PSMA7: variants seen among roughly 807,000 people sequenced by gnomAD.
The protein encoded by PSMA7 is proteasome 20S subunit alpha 7, also known as proteasome subunit alpha type-7.
PSMA7 carries 5 observed loss-of-function variants against 31.3 expected under a neutral mutation model. The ratio of observed to expected loss-of-function variants is 0.16; its 90% CI spans 0.08 to 0.34. The LOEUF (loss-of-function observed/expected upper bound fraction) is 0.34. Among genes scored for constraint, PSMA7 ranks in the 10% least tolerant of loss-of-function variants. The pLI, the probability that PSMA7 is intolerant of heterozygous loss-of-function variation, is 1.00. For missense variants in PSMA7, 217 were observed against 327.5 expected, an observed-to-expected ratio of 0.66 and a Z score of 2.60; for synonymous variants, 155 against 121.9, an observed-to-expected ratio of 1.27 and a Z score of -1.79.
At chr20:62,139,047 G>T (rs199697521) in intron 4 of PSMA7, 28 bp downstream of exon 4, 1 of 1,611,244 alleles carries the variant, frequency 6.2e-7, no homozygotes, top group Non-Finnish European at 8.5e-7. Context: ...TGGCAAGACT[G>T]TCCAAAGCCC....
At chr20:62,142,191 A>C (rs921857113) in intron 1 of PSMA7, among the ~76,000 whole-genome samples, 13 of 152,032 alleles carry the variant, frequency 8.6e-5, no homozygotes, top group African/African-American at 3.1e-4. Context: ...GACTCACTTG[A>C]CCTTCGACTG....
chr20:62,139,022 C>T, intron 4 of PSMA7, 53 bp downstream of exon 4: 4 of 1,599,394 alleles, frequency 2.5e-6, no homozygotes, highest in Non-Finnish European at 2.6e-6. Context: ...CCTCCCACCC[C>T]TCAAAGCCTT....
intron 6 of PSMA7, 21 bp from the exon 7 acceptor site, chr20:62,136,970 G>A (rs780295013): frequency 6.3e-7 from 1 of 1,595,312 alleles, no homozygotes; most frequent in South Asian, 1.2e-5. Flanking sequence ...AAACTTCATG[G>A]TTACCTAAGC....
intron 1 of PSMA7, among the ~76,000 whole-genome samples, chr20:62,141,341 G>T (rs1048217429): frequency 6.6e-6 from 1 of 152,290 alleles, no homozygotes; most frequent in East Asian, 1.9e-4. Context: ...CCTGGGTCCT[G>T]GGGGGTACGT....
rs1449150403 is a variant in PSMA7 at position 62,137,059 on chromosome 20, T to C, written c.655-110A>G. The C allele has an allele frequency of 2.1e-6, 3 of 1,422,246 alleles. No homozygotes were observed. In the African/African-American group the frequency reaches 4.3e-5, roughly 21 times the overall value. 88.1% of individuals were successfully genotyped at this position (1,422,246 alleles called of 1,614,324 possible). On this transcript the variant is annotated intron_variant, in intron 6 of 6. Transcript: ENST00000370873. ...TGGCACTGCTGCTCATACAGCCTCTTTGGAGAGGAACCTCAAGAAAAACAA... is the reference window on the plus strand; with the variant it reads ...TGGCACTGCTGCTCATACAGCCTCTCTGGAGAGGAACCTCAAGAAAAACAA...
chr20:62,142,278 G>A (rs2056935124), intron 1 of PSMA7, among the ~76,000 whole-genome samples: 1 of 152,118 alleles, frequency 6.6e-6, no homozygotes, highest in South Asian at 2.1e-4. Flanking sequence ...GTATTGGGGT[G>A]GGTACAGGGG....
intron 5 of PSMA7, among the ~76,000 whole-genome samples, 188 bp downstream of exon 5, chr20:62,137,983 C>T (rs1327917571): frequency 6.6e-6 from 1 of 151,288 alleles, no homozygotes; most frequent in Non-Finnish European, 1.5e-5. Context: ...ATGATCACAT[C>T]TTGCATGGCT....
At position 62,139,131 on chromosome 20, in the gene PSMA7, C is replaced by T; in HGVS notation, c.415G>A (p.Asp139Asn). ...ISALIVGFDF[D>N]GTPRLYQTDP... Reference sequence around the variant, plus strand: ...GTCTGATAGAGCCTAGGAGTGCCATCAAAGTCGAAACCCACGATGAGGGCA... The same window carrying T: ...GTCTGATAGAGCCTAGGAGTGCCATTAAAGTCGAAACCCACGATGAGGGCA... Residue 139 changes from aspartate to asparagine, a missense_variant, in exon 4 of 7, where the codon GAT becomes AAT. This residue lies in a region of PSMA7 where 53 missense variants were observed against 119.4 expected (regional missense o/e 0.44). Transcript: ENST00000370873. 1 of 1,614,188 alleles carries T rather than the reference C, an allele frequency of 6.2e-7. No individual in the cohort carries two copies. Among genetic ancestry groups the T allele is most frequent in the East Asian group, 2.2e-5 (1 of 44,874 alleles).
chr20:62,138,237 G>A lies in PSMA7; in HGVS notation c.525C>T (p.Asn175=), dbSNP rs1415972575. ...CTGTTTCAATGGCTTCGTCAGTATA[G>A]TTCTTCTCCAGGAACTCGCGCACTG... is the stretch of plus-strand genomic sequence containing the variant. ...AKSVREFLEK[N]YTDEAIETDD... The change falls in exon 5 of 7, where the codon AAC becomes AAT. Residue 175 remains asparagine (N), a synonymous_variant. Transcript: ENST00000370873. 6.2e-7 allele frequency: 1 copy of A among 1,614,112 alleles called. No homozygotes were observed. Among genetic ancestry groups the A allele is most frequent in the East Asian group, 2.2e-5 (1 of 44,880 alleles).
At chr20:62,137,092 C>G (rs2056899040) in intron 6 of PSMA7, 143 bp from the exon 7 acceptor site, 1 of 1,172,832 alleles carries the variant, frequency 8.5e-7, no homozygotes, top group Non-Finnish European at 1.2e-6. Flanking sequence ...CAAGAGGATG[C>G]TGGCCTGACC....
chr20:62,138,347 C>A (rs1281216758), intron 4 of PSMA7, 57 bp from the exon 5 acceptor site: 1 of 1,540,614 alleles, frequency 6.5e-7, no homozygotes, highest in Admixed American at 1.9e-5. Flanking sequence ...CAGGGCCAGC[C>A]CTGGAACACA....
At chr20:62,137,894 G>A (rs950482409) in intron 5 of PSMA7, among the ~76,000 whole-genome samples, 1 of 152,226 alleles carries the variant, frequency 6.6e-6, no homozygotes, top group Admixed American at 6.5e-5. Flanking sequence ...CTGGACAGCT[G>A]GGTTCACATC....
chr20:62,142,042 C>G (rs2056932153), intron 1 of PSMA7, among the ~76,000 whole-genome samples: 1 of 152,248 alleles, frequency 6.6e-6, no homozygotes, highest in Non-Finnish European at 1.5e-5. Flanking sequence ...CCTCCAAATG[C>G]CAAGAGCACC....
chr20:62,142,960 C>T (rs2056946688), intron 1 of PSMA7, among the ~76,000 whole-genome samples: 1 of 150,214 alleles, frequency 6.7e-6, no homozygotes, highest in Admixed American at 6.6e-5. Context: ...CCACGCGAGG[C>T]CGGGCCCCAA....
At position 62,138,199 on chromosome 20, in the gene PSMA7, A is replaced by G. The variant is rs2056906364; in HGVS notation, c.563T>C (p.Ile188Thr). 8.1e-6 allele frequency: 13 copies of G among 1,614,092 alleles called. No individual in the cohort carries two copies. Among genetic ancestry groups the G allele is most frequent in the African/African-American group, 1.3e-5 (1 of 74,940 alleles). ...DEAIETDDLTIKLVIKALLEV... is the reference protein window; with the variant it reads ...DEAIETDDLTTKLVIKALLEV... ...CAGGAGTGCCTTGATCACCAGCTTAATGGTCAGATCATCTGTTTCAATGGC... is the reference window on the plus strand; with the variant it reads ...CAGGAGTGCCTTGATCACCAGCTTAGTGGTCAGATCATCTGTTTCAATGGC... Residue 188 changes from isoleucine (I) to threonine (T), a missense_variant, in exon 5 of 7, where the codon ATT becomes ACT. Transcript: ENST00000370873.
intron 1 of PSMA7, among the ~76,000 whole-genome samples, chr20:62,141,572 A>G (rs2056927545): frequency 6.6e-6 from 1 of 152,240 alleles, no homozygotes; most frequent in African/African-American, 2.4e-5. Context: ...ACCATTATAT[A>G]ATCGGCATGT....
chr20:62,142,975 GGCGCT>G (rs1244003403), intron 1 of PSMA7, among the ~76,000 whole-genome samples: 1 of 150,294 alleles, frequency 6.7e-6, no homozygotes, highest in East Asian at 1.9e-4. Flanking sequence ...CCCCAAGCGA[GGCGCT>G]GAGTGGGGAG....
intron 3 of PSMA7, 106 bp from the exon 4 acceptor site, chr20:62,139,303 C>T: frequency 7.3e-7 from 1 of 1,364,908 alleles, no homozygotes; most frequent in South Asian, 1.4e-5. Context: ...GCCTGAGCCC[C>T]TTCTCAGGTT....
Position 62,138,127 on chromosome 20 carries a change from G to A in PSMA7, c.591+44C>T, listed in dbSNP as rs147971319. The A allele has an allele frequency of 1.3e-4, 207 of 1,612,808 alleles. 2 individuals are homozygous for A. In the Middle Eastern group the frequency reaches 5.0e-3, roughly 39 times the overall value. ...TCTACCTACCACTCACCACCAAAAC[G>A]TGGTATCTTCACCACCTTGCCTGGA... is the stretch of plus-strand genomic sequence containing the variant. On this transcript the variant is annotated intron_variant, in intron 5 of 6. Transcript: ENST00000370873.
Sources: allele counts gnomAD v4.1 joint callset (sites outside exome capture counted in the v4.1 genomes callset), GRCh38; gene constraint gnomAD v4.1.1; regional missense constraint gnomAD v4.1.1; transcripts MANE v1.5; gene names NCBI Gene and HGNC (gene_info 2026-07-23, HGNC 2026-07-21).